NUP155: variants seen among roughly 807,000 people sequenced by gnomAD.
NUP155 encodes nuclear pore complex protein Nup155.
NUP155 carries 71 observed loss-of-function variants against 180.4 expected under a neutral mutation model. That is an observed-to-expected ratio of 0.39 (90% confidence interval 0.33 to 0.48). NUP155 has a LOEUF of 0.48. Among genes scored for constraint, NUP155 ranks in the 20% least tolerant of loss-of-function variants. NUP155 has a pLI of 0.91. For synonymous variants in NUP155, 582 were observed against 559.5 expected, an observed-to-expected ratio of 1.04 and a Z score of -0.57; for missense variants, 1,553 against 1,648.9, an observed-to-expected ratio of 0.94 and a Z score of 1.01.
chr5:37,323,396 A>C (rs187590193), intron 20 of NUP155, among the ~76,000 whole-genome samples: 8 of 152,266 alleles, frequency 5.3e-5, no homozygotes, highest in Middle Eastern at 3.4e-3. Context: ...GAAATGAGAC[A>C]AGTAGTAATA....
chr5:37,370,917 C>G lies in NUP155; in HGVS notation c.61G>C (p.Glu21Gln). The G allele has an allele frequency of 6.2e-7, 1 of 1,614,188 alleles. No homozygotes were observed. The highest frequency in any genetic ancestry group is 8.5e-7 in the Non-Finnish European group (1 of 1,180,048). The part of the protein sequence containing the change: ...PASTSAAALQ[E>Q]ALENAGRLID... Reference sequence around the variant, plus strand: ...AGCCGTCCAGCATTTTCCAGAGCTTCCTGCAGGGCTGCGGCAGATGTAGAG... The same window carrying G: ...AGCCGTCCAGCATTTTCCAGAGCTTGCTGCAGGGCTGCGGCAGATGTAGAG... Residue 21 changes from glutamate to glutamine, a missense_variant, in exon 1 of 35, where the codon GAA becomes CAA. Coordinates refer to ENST00000231498, the MANE Select transcript of NUP155 (RefSeq NM_153485.3).
intron 18 of NUP155, among the ~76,000 whole-genome samples, 200 bp downstream of exon 18, chr5:37,327,429 G>T (rs1046727371): frequency 6.6e-5 from 10 of 152,048 alleles, no homozygotes; most frequent in Non-Finnish European, 1.5e-4. Context: ...GATTATGAGA[G>T]AGTAAGAGAA....
In NUP155 at chr5:37,303,354, C is replaced by A; in HGVS notation, c.3223G>T (p.Val1075Phe). The change falls in exon 28 of 35, where the codon GTT becomes TTT. Residue 1075 changes from valine (V) to phenylalanine (F), a missense_variant. Coordinates refer to ENST00000231498, the MANE Select transcript of NUP155 (RefSeq NM_153485.3). Reference protein sequence around the residue: ...VRMAKVDQNRVRYMDLLWRYY... With the variant: ...VRMAKVDQNRFRYMDLLWRYY... ...CGCCAGAGTAAATCCATATAACGAA[C>A]TCTGTTTTGATCAACTTTGGCCATT... 1 of 1,614,084 alleles carries A rather than the reference C, an allele frequency of 6.2e-7. No individual in the cohort carries two copies. Among genetic ancestry groups the A allele is most frequent in the African/African-American group, 1.3e-5 (1 of 75,038 alleles).
At chr5:37,307,502 A>G in intron 24 of NUP155, 70 bp from the exon 25 acceptor site, 1 of 1,423,538 alleles carries the variant, frequency 7.0e-7, no homozygotes, top group Admixed American at 1.7e-5. Context: ...CTTAGCTGGC[A>G]CATGAAAATA....
chr5:37,327,717 C>G lies in NUP155; in HGVS notation c.1936G>C (p.Ala646Pro). 1 of 1,614,066 alleles carries G rather than the reference C, an allele frequency of 6.2e-7. No homozygotes were observed. The highest frequency in any genetic ancestry group is 1.1e-5 in the South Asian group (1 of 91,074). ...CCAGTCACACAACTCATATTTGTGG[C>G]CTGAGTTGCTGGGTTTCCCAGAGCA... ...VCALGNPATQ[A>P]TNMSCVTGPE... The change falls in exon 18 of 35, where the codon GCC becomes CCC. Residue 646 changes from alanine to proline, a missense_variant. Physicochemically the swap from Ala to Pro is conservative, Grantham distance 27. Coordinates refer to ENST00000231498, the MANE Select transcript of NUP155 (RefSeq NM_153485.3).
rs1746966422 is a variant in NUP155 at position 37,358,122 on chromosome 5, CT to C, written c.421del (p.Ser141ValfsTer10). ...GGDLAYFDGL[S>X]ETILAVGLVK... Reference sequence around the variant, plus strand: ...AAGCCCCACAGCAAGAATAGTCTCACTAAGTCCATCAAAATAGGCAAGGTCT... The same window carrying C: ...AAGCCCCACAGCAAGAATAGTCTCACAAGTCCATCAAAATAGGCAAGGTCT... On this transcript the variant is annotated frameshift_variant, in exon 4 of 35. Transcript: ENST00000231498. LOFTEE classifies it high-confidence loss of function. 6.2e-7 allele frequency: 1 copy of C among 1,613,280 alleles called. No homozygotes were observed. The highest frequency in any genetic ancestry group is 1.3e-5 in the African/African-American group (1 of 74,890).
rs1742938369 is a variant in NUP155 at position 37,302,869 on chromosome 5, A to T, written c.3357T>A (p.Ala1119=). 6.2e-7 allele frequency: 1 copy of T among 1,613,982 alleles called. No homozygotes were observed. The highest frequency in any genetic ancestry group is 1.3e-5 in the African/African-American group (1 of 74,938). The part of the protein sequence containing the change: ...ISLQQRLEYI[A]RAILSAKSST... ...AACTTTTGGCACTAAGAATGGCTCG[A>T]GCAATGTACTCTAGTCGCTGCTGAA... Residue 1119 remains alanine (A), a synonymous_variant, in exon 29 of 35, where the codon GCT becomes GCA. Transcript: ENST00000231498.
chr5:37,341,319 T>G, intron 10 of NUP155, 77 bp from the exon 11 acceptor site: 1 of 1,171,168 alleles, frequency 8.5e-7, no homozygotes, highest in South Asian at 1.2e-5. Context: ...AGCAATTACA[T>G]ACAGCAATGC....
intron 21 of NUP155, among the ~76,000 whole-genome samples, chr5:37,314,733 G>A (rs1433408711): frequency 6.6e-6 from 1 of 152,140 alleles, no homozygotes; most frequent in Non-Finnish European, 1.5e-5. Context: ...CCAGCTACTT[G>A]GGAGGCTGAG....
At chr5:37,318,508 G>T (rs952491144) in intron 20 of NUP155, among the ~76,000 whole-genome samples, 1 of 136,564 alleles carries the variant, frequency 7.3e-6, no homozygotes, top group East Asian at 2.1e-4. Flanking sequence ...CATCTGAAAT[G>T]TCCCCAAATC....
At chr5:37,350,940 AG>A (rs1351861771) in intron 6 of NUP155, among the ~76,000 whole-genome samples, 3 of 152,140 alleles carry the variant, frequency 2.0e-5, no homozygotes, top group Non-Finnish European at 4.4e-5. Context: ...ACATATGCAT[AG>A]ATATCTATAG....
chr5:37,312,882 T>C (rs371455039), intron 22 of NUP155, among the ~76,000 whole-genome samples: 1 of 152,044 alleles, frequency 6.6e-6, no homozygotes, highest in East Asian at 1.9e-4. Flanking sequence ...GAACTGTCTA[T>C]TTTTTTTAGA....
intron 13 of NUP155, 36 bp from the exon 14 acceptor site, chr5:37,331,831 T>G (rs1279990322): frequency 7.8e-7 from 1 of 1,276,156 alleles, no homozygotes; most frequent in Non-Finnish European, 1.1e-6. Context: ...AACAAGAGAT[T>G]TACCAAGATT....
chr5:37,365,130 C>T (rs1456467929), intron 1 of NUP155, among the ~76,000 whole-genome samples: 1 of 151,492 alleles, frequency 6.6e-6, no homozygotes, highest in Non-Finnish European at 1.5e-5. Context: ...TGCCTGGTGG[C>T]GTGCGCCTAT....
Position 37,337,856 on chromosome 5 carries a change from C to CA in NUP155, c.1308dup (p.Asp437Ter). The CA allele has an allele frequency of 6.2e-7, 1 of 1,612,554 alleles. No homozygotes were observed. The highest frequency in any genetic ancestry group is 8.5e-7 in the Non-Finnish European group (1 of 1,179,076). On this transcript the variant is annotated frameshift_variant, in exon 12 of 35. Coordinates refer to ENST00000231498, the MANE Select transcript of NUP155 (RefSeq NM_153485.3). LOFTEE classifies it high-confidence loss of function. The stretch of plus-strand genomic sequence containing the variant: ...ATTGGCTTTTGGAAAGGAAAAGTAT[C>CA]ATGGTTGACACACCATAAAATATCA...
chr5:37,370,592 T>G, intron 1 of NUP155: 1 of 1,343,782 alleles, frequency 7.4e-7, no homozygotes, highest in East Asian at 2.7e-5. Flanking sequence ...CTCTTTCTGC[T>G]TCAACTGGGA....
chr5:37,338,213 G>C (rs1344639794), intron 11 of NUP155, among the ~76,000 whole-genome samples: 1 of 150,562 alleles, frequency 6.6e-6, no homozygotes, highest in Non-Finnish European at 1.5e-5. Flanking sequence ...AGCTACTCAG[G>C]AGGCTGAGGC....
chr5:37,307,437 T>C lies in NUP155; in HGVS notation c.2768-5A>G, dbSNP rs1284253161. 7 of 1,613,760 alleles carry C rather than the reference T, an allele frequency of 4.3e-6. No homozygotes were observed. Among genetic ancestry groups the C allele is most frequent in the African/African-American group, 1.3e-5 (1 of 74,890 alleles). ...CCACACCCTCATAAAATCTCACTGA[T>C]GGGAAAGAAAAGAATGAAGACCTAT... is the stretch of plus-strand genomic sequence containing the variant. On this transcript the variant is annotated splice_polypyrimidine_tract_variant and splice_region_variant and intron_variant, in intron 24 of 34. Transcript: ENST00000231498.
intron 20 of NUP155, among the ~76,000 whole-genome samples, chr5:37,320,533 A>C (rs889936593): frequency 6.6e-6 from 1 of 152,250 alleles, no homozygotes; most frequent in South Asian, 2.1e-4. Flanking sequence ...AGGAGAAAGC[A>C]AGTAGAGCTA....
Sources: allele counts gnomAD v4.1 joint callset (sites outside exome capture counted in the v4.1 genomes callset), GRCh38; gene constraint gnomAD v4.1.1; transcripts MANE v1.5; gene names NCBI Gene and HGNC (gene_info 2026-07-23, HGNC 2026-07-21).